SLC1A6: variants seen among roughly 807,000 people sequenced by gnomAD.
SLC1A6 encodes solute carrier family 1 member 6.
In SLC1A6, 15 loss-of-function variants were observed where a neutral mutation model predicts 42.1. That is an observed-to-expected ratio of 0.36 (90% CI 0.24 to 0.55). The LOEUF is 0.55. Ranked by LOEUF, SLC1A6 falls within the 20% of genes least tolerant of loss-of-function variation. The probability of loss-of-function intolerance (pLI) is 0.88; values close to 1 mark genes in which losing one functional copy is unlikely to be tolerated. For synonymous variants in SLC1A6, 317 were observed against 319.7 expected, an observed-to-expected ratio of 0.99 and a Z score of 0.09; for missense variants, 542 against 772.5, an observed-to-expected ratio of 0.70 and a Z score of 3.54.
chr19:14,994,774 T>C (rs1178112433), intron 1 of SLC1A6, among the ~76,000 whole-genome samples: 4 of 152,212 alleles, frequency 2.6e-5, no homozygotes, highest in Non-Finnish European at 5.9e-5. Flanking sequence ...TGCGCCATCC[T>C]GAGTTTCTTT....
upstream of SLC1A6, among the ~76,000 whole-genome samples, chr19:14,982,746 A>G (rs1392719237): frequency 2.6e-5 from 4 of 152,230 alleles, no homozygotes. Flanking sequence ...TCTTAATTTA[A>G]AAAGATCCTG....
intron 4 of SLC1A6, among the ~76,000 whole-genome samples, chr19:14,967,279 T>C (rs1371590288): frequency 6.6e-6 from 1 of 152,154 alleles, no homozygotes; most frequent in African/African-American, 2.4e-5. Context: ...CCTGTCCCCT[T>C]TGTCTCTCCT....
intron 1 of SLC1A6, chr19:14,973,747 C>A (rs781581378): frequency 1.3e-5 from 2 of 152,392 alleles, no homozygotes; most frequent in African/African-American, 4.8e-5. Context: ...GGAGGCTAGT[C>A]CCCCAAATTA....
chr19:14,964,216 G>T, intron 5 of SLC1A6, 103 bp downstream of exon 5: 7 of 936,312 alleles, frequency 7.5e-6, no homozygotes, highest in Non-Finnish European at 1.2e-5. Context: ...CCATTGCTCT[G>T]TCAGGCCCTT....
chr19:14,979,050 T>TCACTCACACACACA lies in SLC1A6; in HGVS notation c.-8+258_-8+259insTGTGTGTGTGAGTG, dbSNP rs1555708547. Among the ~76,000 whole-genome samples, 6 of 131,298 alleles carry TCACTCACACACACA rather than the reference T, an allele frequency of 4.6e-5. No homozygotes were observed. Among genetic ancestry groups the TCACTCACACACACA allele is most frequent in the Non-Finnish European group, 8.1e-5 (5 of 61,950 alleles). The allele number at this position is 131,298 out of a possible 152,430, so 86.1% of individuals were successfully genotyped here. On this transcript the variant is annotated intron_variant, in intron 1 of 9. Coordinates refer to ENST00000594383, the MANE Select transcript of SLC1A6 (RefSeq NM_005071.3). This position sits in a 1 kb window ranked among gnomAD's most constrained non-coding sequence, Gnocchi z 4.2. Reference sequence around the variant, plus strand: ...CAAATTCAGTCTCTCTCTCTCTCTGTCACACACACACACACACACACACAC... The same window carrying TCACTCACACACACA: ...CAAATTCAGTCTCTCTCTCTCTCTGTCACTCACACACACACACACACACACACACACACACACAC...
At chr19:15,010,191 AAAAAAAGAAAGAAAG>A (rs979770806) in intron 1 of SLC1A6, among the ~76,000 whole-genome samples, 1 of 82,664 alleles carries the variant, frequency 1.2e-5, no homozygotes, top group Non-Finnish European at 2.6e-5. Flanking sequence ...ATGAAAAAAA[AAAAAAAGAAAGAAAG>A]AAAAAAGAAA....
chr19:14,970,483 G>A lies in SLC1A6; in HGVS notation c.343+1254C>T, dbSNP rs567506549. Reference sequence around the variant, plus strand: ...TCCCAGCACTTTGGGAGGCCAAGGCGGGCGGATCACGAGGTCAGGAGATCG... The same window carrying A: ...TCCCAGCACTTTGGGAGGCCAAGGCAGGCGGATCACGAGGTCAGGAGATCG... On this transcript the variant is annotated intron_variant, in intron 3 of 9. Transcript: ENST00000594383. 1.2e-3 allele frequency among the ~76,000 whole-genome samples: 175 copies of A among 152,118 alleles called. 4 individuals carry two copies. The highest frequency in any genetic ancestry group is 2.5e-3 in the South Asian group (12 of 4,812).
At chr19:14,998,301 G>A (rs1359055679) in intron 1 of SLC1A6, among the ~76,000 whole-genome samples, 2 of 152,160 alleles carry the variant, frequency 1.3e-5, no homozygotes, top group African/African-American at 4.8e-5. Flanking sequence ...AGCACTTTGG[G>A]AGGCCAAGGT....
At chr19:14,962,578 AT>A (rs1430966574) in intron 5 of SLC1A6, among the ~76,000 whole-genome samples, 1 of 152,196 alleles carries the variant, frequency 6.6e-6, no homozygotes, top group Non-Finnish European at 1.5e-5. Context: ...TAAACCCATT[AT>A]GAAAAATCAT....
chr19:14,993,069 C>T lies in SLC1A6; in HGVS notation c.6+17416G>A, dbSNP rs376507735. On this transcript the variant is annotated intron_variant, in intron 1 of 8. Transcript: ENST00000430939. ...GGGAGGAGGACCAGGTCTCCCCGTC[C>T]TGATCCCCTGTCTTTCATTACCAGA... Among the ~76,000 whole-genome samples the T allele has an allele frequency of 3.3e-5, 5 of 152,268 alleles. No individual in the cohort carries two copies. In the South Asian group the frequency reaches 1.0e-3, roughly 32 times the overall value.
At chr19:14,981,258 A>C (rs2145224608), upstream of SLC1A6, among the ~76,000 whole-genome samples, 1 of 152,100 alleles carries the variant, frequency 6.6e-6, no homozygotes, top group Non-Finnish European at 1.5e-5. Context: ...GTGCCACTGC[A>C]CTTCAGCCTG....
upstream of SLC1A6, among the ~76,000 whole-genome samples, chr19:14,984,792 T>C (rs930240908): frequency 2.4e-4 from 37 of 152,370 alleles, no homozygotes; most frequent in African/African-American, 8.4e-4. Context: ...ATATCATCAC[T>C]GATCTCATGG....
rs139136096 is a variant in SLC1A6, at chr19:14,993,645, G to C, written c.6+16840C>G. ...GGGGTAAAGGAATTTACCAAGACAA[G>C]AGTGAGTTTTAAAAGGCAGATGTAT... On this transcript the variant is annotated intron_variant, in intron 1 of 8. Transcript: ENST00000430939. 7.9e-5 allele frequency among the ~76,000 whole-genome samples: 12 copies of C among 152,308 alleles called. No homozygotes were observed. In the South Asian group the frequency reaches 2.5e-3, roughly 32 times the overall value.
chr19:14,992,800 C>A (rs148385158), intron 1 of SLC1A6, among the ~76,000 whole-genome samples: 1 of 152,124 alleles, frequency 6.6e-6, no homozygotes, highest in Admixed American at 6.6e-5. Context: ...CGGAGCACCC[C>A]GGGCTGTCCC....
exon 1 of SLC1A6, chr19:15,010,574 G>A (rs2045921962): frequency 3.0e-6 from 2 of 659,230 alleles, no homozygotes; most frequent in Admixed American, 2.3e-5. Flanking sequence ...AAGCAACGGC[G>A]AGAAGGATGC....
chr19:15,007,109 C>G (rs923011271), intron 1 of SLC1A6, among the ~76,000 whole-genome samples: 7 of 152,122 alleles, frequency 4.6e-5, no homozygotes, highest in Admixed American at 1.3e-4. Flanking sequence ...GGTCAATGCC[C>G]TCATGAAGCT....
At chr19:14,981,920 C>T (rs756821947), upstream of SLC1A6, among the ~76,000 whole-genome samples, 18 of 152,094 alleles carry the variant, frequency 1.2e-4, no homozygotes, top group Non-Finnish European at 2.6e-4. Context: ...CCCAGATACT[C>T]AGGAGGCTGA....
intron 4 of SLC1A6, among the ~76,000 whole-genome samples, chr19:14,967,132 G>A (rs2045583408): frequency 6.6e-6 from 1 of 152,126 alleles, no homozygotes; most frequent in South Asian, 2.1e-4. Context: ...CAGCTGTTCT[G>A]ACCCCACCTT....
intron 1 of SLC1A6, chr19:15,010,407 T>C: frequency 2.3e-6 from 1 of 443,408 alleles, no homozygotes; most frequent in Non-Finnish European, 4.5e-6. Flanking sequence ...ACCCTGAAGC[T>C]GAAAGAAGGG....
Sources: allele counts gnomAD v4.1 joint callset (sites outside exome capture counted in the v4.1 genomes callset), GRCh38; gene constraint gnomAD v4.1.1; non-coding constraint Gnocchi (gnomAD v3.1); transcripts MANE v1.5; gene names NCBI Gene and HGNC (gene_info 2026-07-23, HGNC 2026-07-21).